Variants in IGSF9B observed in about 807,000 individuals in gnomAD.
IGSF9B encodes immunoglobulin superfamily member 9B, also known as protein turtle homolog B.
IGSF9B carries 48 observed loss-of-function variants against 143.7 expected under a neutral mutation model. That is an observed-to-expected ratio of 0.33 (90% CI 0.26 to 0.42). The LOEUF (loss-of-function observed/expected upper bound fraction) is 0.42, where lower values mean the gene tolerates loss of function less well. IGSF9B is among the 20% of genes least tolerant of loss of function. IGSF9B has a pLI of 1.00. For synonymous variants in IGSF9B, 903 were observed against 833.1 expected, an observed-to-expected ratio of 1.08 and a Z score of -1.44; for missense variants, 1,706 against 1,980.0, an observed-to-expected ratio of 0.86 and a Z score of 2.63.
intron 3 of IGSF9B, among the ~76,000 whole-genome samples, chr11:133,940,935 G>C (rs1270678112): frequency 1.3e-5 from 2 of 152,184 alleles, no homozygotes; most frequent in Non-Finnish European, 2.9e-5. Flanking sequence ...GCTTATCTCC[G>C]ACACAGCCCC....
At chr11:133,939,760 C>T (rs889631564) in intron 3 of IGSF9B, among the ~76,000 whole-genome samples, 1 of 151,736 alleles carries the variant, frequency 6.6e-6, no homozygotes, top group Non-Finnish European at 1.5e-5. Context: ...CACGCGTCAT[C>T]GCACACAGAA....
rs1939500320 is a variant in IGSF9B at position 133,920,367 on chromosome 11, TGGC to T, written c.3355_3357del (p.Ala1119del). 4 of 1,604,834 alleles carry T rather than the reference TGGC, an allele frequency of 2.5e-6. No homozygotes were observed. In the Admixed American group the frequency reaches 6.9e-5, roughly 28 times the overall value. ...GGTTGCATAGGTCTGTCCTGCCACT[TGGC>T]GGCGGGGGGCGCTGGGACAGGGCCC... is the stretch of plus-strand genomic sequence containing the variant. On this transcript the variant is annotated inframe_deletion, in exon 18 of 20. Transcript: ENST00000533871.
rs759391032 is a variant in IGSF9B at position 133,927,017 on chromosome 11, A to G, written c.1706T>C (p.Val569Ala). The change falls in exon 13 of 20, where the codon GTG (valine) becomes GCG (alanine). Residue 569 changes from valine (V) to alanine (A), a missense_variant. Physicochemically the swap from Val to Ala is moderately conservative, Grantham distance 64. Around this residue, in one of 7 missense-constraint regions of IGSF9B, gnomAD observed 267 missense variants for 321.1 expected, o/e 0.83. Transcript: ENST00000533871. The part of the protein sequence containing the change: ...PVPPGPSWLL[V>A]DTLEPETAYQ... ...CGCTGTCTCAGGCTCCAGGGTGTCC[A>G]CCAGCAGCCAGCTGGGTCCTGGCGG... is the stretch of plus-strand genomic sequence containing the variant. The G allele has an allele frequency of 5.7e-5, 90 of 1,573,248 alleles. No homozygotes were observed. Among genetic ancestry groups the G allele is most frequent in the Middle Eastern group, 5.0e-4 (3 of 5,982 alleles).
chr11:133,917,517 C>T lies in IGSF9B; in HGVS notation c.3983+2225G>A, dbSNP rs529955010. Among the ~76,000 whole-genome samples the T allele has an allele frequency of 8.5e-5, 13 of 152,178 alleles. No individual in the cohort carries two copies. The South Asian group carries it at 1.0e-3, about 12-fold the overall frequency. On this transcript the variant is annotated intron_variant, in intron 18 of 19. Transcript: ENST00000533871. ...TCCCTACAGCATGACCCAGGGAGGA[C>T]GACAAGGCTACAACAGGGACCTTGA...
rs765609202 is a variant in IGSF9B, at chr11:133,920,944, T to C, written c.2781A>G (p.Ala927=). The C allele has an allele frequency of 6.2e-7, 1 of 1,610,686 alleles. No homozygotes were observed. The highest frequency in any genetic ancestry group is 8.5e-7 in the Non-Finnish European group (1 of 1,178,714). The change falls in exon 18 of 20, where the codon GCA becomes GCG. Residue 927 remains alanine (A), a synonymous_variant. Transcript: ENST00000533871. ...CGCGGGGCTGGAACCGAGGGCTGTA[T>C]GCTGGTGGTGGCAGGTAGGACTCCT... The part of the protein sequence containing the change: ...SSQESYLPPP[A]YSPRFQPRGL...
intron 18 of IGSF9B, among the ~76,000 whole-genome samples, chr11:133,915,266 CTCTTTTTTT>C (rs1174204230): frequency 1.3e-5 from 1 of 75,150 alleles, no homozygotes; most frequent in Non-Finnish European, 2.8e-5. Flanking sequence ...TTCTCTCTCT[CTCTTTTTTT>C]TTTTTTTTTT....
chr11:133,952,796 T>C (rs149273123), intron 1 of IGSF9B, among the ~76,000 whole-genome samples: 1 of 152,234 alleles, frequency 6.6e-6, no homozygotes, highest in Non-Finnish European at 1.5e-5. Context: ...TGTGCACATG[T>C]ATGCATGTGC....
At chr11:133,930,713 G>A (rs1187104967) in intron 11 of IGSF9B, among the ~76,000 whole-genome samples, 1 of 152,194 alleles carries the variant, frequency 6.6e-6, no homozygotes, top group Non-Finnish European at 1.5e-5. Flanking sequence ...CAGCCACACA[G>A]CCGCCTCTTT....
chr11:133,929,620 G>A lies in IGSF9B; in HGVS notation c.1631+51C>T, dbSNP rs530260208. The A allele has an allele frequency of 2.7e-5, 36 of 1,342,990 alleles. No homozygotes were observed. The Admixed American group carries it at 3.4e-4, about 13-fold the overall frequency. 83.2% of individuals were successfully genotyped at this position (1,342,990 alleles called of 1,614,324 possible). On this transcript the variant is annotated intron_variant, in intron 12 of 19. Coordinates refer to ENST00000533871, the MANE Select transcript of IGSF9B (RefSeq NM_001277285.4). ...GGGTAGCCTGCAGGAAGACCGGGGAGGGGAGAAGCAGAGAGCAAAGCATGC... is the reference window on the plus strand; with the variant it reads ...GGGTAGCCTGCAGGAAGACCGGGGAAGGGAGAAGCAGAGAGCAAAGCATGC...
chr11:133,931,636 C>A lies in IGSF9B; in HGVS notation c.1251+19G>T. 1 of 1,608,332 alleles carries A rather than the reference C, an allele frequency of 6.2e-7. No individual in the cohort carries two copies. Among genetic ancestry groups the A allele is most frequent in the Non-Finnish European group, 8.5e-7 (1 of 1,176,436 alleles). On this transcript the variant is annotated intron_variant, in intron 9 of 19. Transcript: ENST00000533871. This position sits in a 1 kb window ranked among gnomAD's most constrained non-coding sequence, Gnocchi z 7.7. The stretch of plus-strand genomic sequence containing the variant: ...CAGGTGCCCAGCTCATGGAGGCCGT[C>A]ACAGCCCTGGGACCTCACCTTCAGG...
Position 133,920,937 on chromosome 11 carries a change from G to A in IGSF9B, c.2788C>T (p.Pro930Ser). 6.2e-7 allele frequency: 1 copy of A among 1,610,498 alleles called. No individual in the cohort carries two copies. Among genetic ancestry groups the A allele is most frequent in the Non-Finnish European group, 8.5e-7 (1 of 1,178,658 alleles). The change falls in exon 18 of 20, where the codon CCT becomes TCT. Residue 930 changes from proline to serine, a missense_variant. Around this residue, in one of 7 missense-constraint regions of IGSF9B, gnomAD observed 880 missense variants for 762.9 expected, o/e 1.15. Transcript: ENST00000533871. ...TCCAGCCCGCGGGGCTGGAACCGAG[G>A]GCTGTATGCTGGTGGTGGCAGGTAG... is the stretch of plus-strand genomic sequence containing the variant. ...ESYLPPPAYS[P>S]RFQPRGLEGP...
Position 133,909,199 on chromosome 11 carries a change from T to G in IGSF9B, c.4184A>C (p.Lys1395Thr), listed in dbSNP as rs182395852. Residue 1395 changes from lysine (K) to threonine (T), a missense_variant, in exon 20 of 20, where the codon AAG (lysine) becomes ACG (threonine). Physicochemically the swap from Lys to Thr is moderately conservative, Grantham distance 78. This residue lies in a region of IGSF9B where 880 missense variants were observed against 762.9 expected (regional missense o/e 1.15). Coordinates refer to ENST00000533871, the MANE Select transcript of IGSF9B (RefSeq NM_001277285.4). This position sits in a 1 kb window ranked among gnomAD's most constrained non-coding sequence, Gnocchi z 4.2. ...WPDEAVCLRK[K>T]KRHSRPDPFA... ...GGGGTCAGGACGAGAATGTCTCTTC[T>G]TCTTTCGGAGGCAGACAGCTTCATC... The G allele has an allele frequency of 1.6e-5, 25 of 1,535,876 alleles. No homozygotes were observed. In the East Asian group the frequency reaches 4.2e-4, roughly 26 times the overall value.
intron 1 of IGSF9B, chr11:133,952,341 C>T (rs563031914): frequency 4.0e-6 from 1 of 248,138 alleles, no homozygotes; most frequent in Admixed American, 4.6e-5. Flanking sequence ...AGGCCCTGGG[C>T]TGGGGCCTGC....
chr11:133,927,009 G>A lies in IGSF9B; in HGVS notation c.1714C>T (p.Leu572=). Residue 572 remains leucine, a synonymous_variant, in exon 13 of 20, where the codon CTG becomes TTG. Transcript: ENST00000533871. ...AACTGGTACGCTGTCTCAGGCTCCA[G>A]GGTGTCCACCAGCAGCCAGCTGGGT... The part of the protein sequence containing the change: ...PGPSWLLVDT[L]EPETAYQFSV... 1.3e-6 allele frequency: 2 copies of A among 1,578,662 alleles called. No individual in the cohort carries two copies. The highest frequency in any genetic ancestry group is 2.3e-5 in the South Asian group (2 of 85,756).
At chr11:133,937,581 A>C in intron 4 of IGSF9B, 88 bp from the exon 5 acceptor site, 1 of 1,152,342 alleles carries the variant, frequency 8.7e-7, no homozygotes, top group Non-Finnish European at 1.3e-6. Context: ...CGGAGACACT[A>C]AGGTGGAGAT....
At position 133,925,955 on chromosome 11, in the gene IGSF9B, A is replaced by G; in HGVS notation, c.1818T>C (p.Ile606=). The G allele has an allele frequency of 6.2e-7, 1 of 1,600,998 alleles. No individual in the cohort carries two copies. The highest frequency in any genetic ancestry group is 8.5e-7 in the Non-Finnish European group (1 of 1,173,526). Residue 606 remains isoleucine (I), a synonymous_variant, in exon 14 of 20, where the codon ATT becomes ATC. Transcript: ENST00000533871. ...VVTVNTLAFP[I]TTPEPLVLVT... ...CCAGCACCAGGGGTTCTGGAGTTGT[A>G]ATAGGGAATGCTGCGGCGGGGGAAG... is the stretch of plus-strand genomic sequence containing the variant.
chr11:133,919,477 G>C (rs1312062566), intron 18 of IGSF9B, among the ~76,000 whole-genome samples: 2 of 152,106 alleles, frequency 1.3e-5, no homozygotes, highest in Non-Finnish European at 2.9e-5. Flanking sequence ...TCCCTGGTAG[G>C]TGGTGCGCCC....
chr11:133,952,008 C>T, intron 1 of IGSF9B: 1 of 454,092 alleles, frequency 2.2e-6, no homozygotes, highest in Non-Finnish European at 4.4e-6. Flanking sequence ...AGGAGGGAGG[C>T]AAGGGGCCAC....
intron 5 of IGSF9B, 96 bp downstream of exon 5, chr11:133,937,280 C>T: frequency 1.2e-6 from 1 of 862,216 alleles, no homozygotes; most frequent in Non-Finnish European, 1.8e-6. Context: ...TCCACTAGCC[C>T]CAGCTGAGCC....
Sources: allele counts gnomAD v4.1 joint callset (sites outside exome capture counted in the v4.1 genomes callset), GRCh38; gene constraint gnomAD v4.1.1; regional missense constraint gnomAD v4.1.1; non-coding constraint Gnocchi (gnomAD v3.1); transcripts MANE v1.5; gene names NCBI Gene and HGNC (gene_info 2026-07-23, HGNC 2026-07-21).